WASHC5: variants seen among roughly 807,000 people sequenced by gnomAD.
WASHC5 encodes the protein WASH complex subunit 5.
WASHC5 carries 101 observed loss-of-function variants against 150.4 expected under a neutral mutation model. The ratio of observed to expected loss-of-function variants is 0.67; its 90% CI spans 0.57 to 0.79. The LOEUF (loss-of-function observed/expected upper bound fraction) is 0.79, where lower values mean the gene tolerates loss of function less well. Among genes scored for constraint, WASHC5 ranks in the 30% least tolerant of loss-of-function variants. The pLI, the probability that WASHC5 is intolerant of heterozygous loss-of-function variation, is 0.00. For missense variants in WASHC5, 1,195 were observed against 1,396.3 expected, an observed-to-expected ratio of 0.86 and a Z score of 2.30; for synonymous variants, 467 against 491.2, an observed-to-expected ratio of 0.95 and a Z score of 0.65.
chr8:125,038,705 G>T, intron 25 of WASHC5, 125 bp downstream of exon 25: 1 of 1,134,332 alleles, frequency 8.8e-7, no homozygotes, highest in Non-Finnish European at 1.3e-6. Context: ...GCAGGGAACT[G>T]AATGGAATGA....
chr8:125,078,190 G>A (rs6470332), intron 6 of WASHC5, among the ~76,000 whole-genome samples: 16,320 of 152,112 alleles, frequency 0.11, 2,080 homozygotes, highest in African/African-American at 0.3. Flanking sequence ...GGGGAGTGGG[G>A]CGATTTTCAA....
chr8:125,082,511 A>ACT, intron 3 of WASHC5, 44 bp from the exon 4 acceptor site: 1 of 1,086,160 alleles, frequency 9.2e-7, no homozygotes, highest in Non-Finnish European at 1.4e-6. Context: ...TATAATAGAA[A>ACT]CTTTAACATC....
intron 3 of WASHC5, 132 bp from the exon 4 acceptor site, chr8:125,082,599 T>C: frequency 1.5e-6 from 1 of 663,602 alleles, no homozygotes; most frequent in South Asian, 1.7e-5. Context: ...TGGTCCTTCA[T>C]GCTCTTAAGA....
intron 23 of WASHC5, among the ~76,000 whole-genome samples, chr8:125,041,393 A>T (rs757202420): frequency 4.8e-4 from 73 of 152,286 alleles, no homozygotes; most frequent in Non-Finnish European, 5.9e-4. Context: ...CAATCCCAGC[A>T]CTTTGGGAGG....
At chr8:125,085,841 A>C (rs535389890) in intron 1 of WASHC5, among the ~76,000 whole-genome samples, 1 of 152,318 alleles carries the variant, frequency 6.6e-6, no homozygotes, top group South Asian at 2.1e-4. Flanking sequence ...AAAGTTCTTG[A>C]AGTAGGTAAT....
At chr8:125,083,593 G>A (rs764595150) in intron 2 of WASHC5, 120 bp downstream of exon 2, 31 of 788,958 alleles carry the variant, frequency 3.9e-5, no homozygotes, top group South Asian at 1.6e-4. Context: ...AAGTTTAGTC[G>A]AAAAGCTCTT....
intron 18 of WASHC5, 114 bp from the exon 19 acceptor site, chr8:125,049,299 CTGT>C: frequency 2.7e-6 from 3 of 1,094,568 alleles, no homozygotes; most frequent in Non-Finnish European, 4.1e-6. Flanking sequence ...TGGCTCCCAC[CTGT>C]AACCCCAGCA....
rs373944573 is a variant in WASHC5, at chr8:125,078,756, A to G, written c.693T>C (p.Ser231=). ...FISMVIGRLR[S]DDIYNQVSAY... ...TTCCCACCTGGTTGTAAATATCATC[A>G]GATCTCAGTCGACCAATGACCATAC... Residue 231 remains serine (S), a synonymous_variant, in exon 6 of 29, where the codon TCT becomes TCC. Coordinates refer to ENST00000318410, the MANE Select transcript of WASHC5 (RefSeq NM_014846.4). 1.2e-6 allele frequency: 2 copies of G among 1,613,644 alleles called. No homozygotes were observed. The highest frequency in any genetic ancestry group is 1.7e-6 in the Non-Finnish European group (2 of 1,179,592).
chr8:125,079,185 CTT>C (rs34211379), intron 5 of WASHC5, among the ~76,000 whole-genome samples: 2,774 of 56,992 alleles, frequency 0.049, 7 homozygotes, highest in Middle Eastern at 0.1. Context: ...TATATATAAC[CTT>C]TTTTTTTTTT....
chr8:125,039,661 C>T (rs960960399), intron 24 of WASHC5, 134 bp downstream of exon 24: 12 of 693,618 alleles, frequency 1.7e-5, no homozygotes, highest in Admixed American at 6.3e-5. Flanking sequence ...TTTGATTATC[C>T]GTGGCAAGGA....
chr8:125,087,117 A>T (rs1433485486), intron 1 of WASHC5, among the ~76,000 whole-genome samples: 1 of 152,200 alleles, frequency 6.6e-6, no homozygotes, highest in Non-Finnish European at 1.5e-5. Flanking sequence ...TAGTGCTGAG[A>T]TTCAGTTTTG....
In WASHC5 at chr8:125,075,018, G is replaced by C. The variant is rs1817010885; in HGVS notation, c.958C>G (p.Leu320Val). 3 of 1,609,312 alleles carry C rather than the reference G, an allele frequency of 1.9e-6. No homozygotes were observed. In the East Asian group the frequency reaches 6.7e-5, roughly 36 times the overall value. ...CCTACCTGTTCTCTGACATTTGAAA[G>C]GTCCAGGGTATTATTTAAAGCAGTT... is the stretch of plus-strand genomic sequence containing the variant. ...AKTALNNTLD[L>V]SNVREQASRY... Residue 320 changes from leucine to valine, a missense_variant, in exon 8 of 29, where the codon CTT (leucine) becomes GTT (valine). Coordinates refer to ENST00000318410, the MANE Select transcript of WASHC5 (RefSeq NM_014846.4).
chr8:125,045,638 G>GT (rs1816044433), intron 20 of WASHC5, among the ~76,000 whole-genome samples: 1 of 152,164 alleles, frequency 6.6e-6, no homozygotes, highest in Admixed American at 6.5e-5. Flanking sequence ...AGAAGGAGGC[G>GT]TGAGAAGGGG....
chr8:125,060,018 G>C (rs1816545228), intron 12 of WASHC5, among the ~76,000 whole-genome samples: 1 of 152,142 alleles, frequency 6.6e-6, no homozygotes, highest in South Asian at 2.1e-4. Flanking sequence ...AGAAACTTTG[G>C]TAGAATTATT....
intron 5 of WASHC5, among the ~76,000 whole-genome samples, chr8:125,079,832 T>G (rs1817196151): frequency 6.6e-6 from 1 of 152,222 alleles, no homozygotes. Context: ...CCAAATGAAT[T>G]ACTATGTATA....
rs981037424 is a variant in WASHC5, at chr8:125,060,363, G to T, written c.1521+719C>A. Among the ~76,000 whole-genome samples, 3 of 152,004 alleles carry T rather than the reference G, an allele frequency of 2.0e-5. No homozygotes were observed. The South Asian group carries it at 6.2e-4, about 31-fold the overall frequency. On this transcript the variant is annotated intron_variant, in intron 12 of 28. Transcript: ENST00000318410. ...TAGCTGGGCATGGTGGCAGGCGCCT[G>T]TAGTCCCAGCTACCCAGGAGGCTGA... is the stretch of plus-strand genomic sequence containing the variant.
intron 23 of WASHC5, 23 bp from the exon 24 acceptor site, chr8:125,039,921 A>C (rs1586341586): frequency 2.0e-6 from 3 of 1,507,424 alleles, no homozygotes; most frequent in Non-Finnish European, 2.8e-6. Flanking sequence ...AAGAGAAAGA[A>C]CAGGTAGTGC....
Position 125,082,908 on chromosome 8 carries a change from A to G in WASHC5, c.332+205T>C, listed in dbSNP as rs11989475. 0.075 allele frequency: 35,695 copies of G among 474,258 alleles called. 4,294 individuals carry two copies. The highest frequency in any genetic ancestry group is 0.38 in the African/African-American group (18,994 of 50,556). 29.4% of individuals were successfully genotyped at this position (474,258 alleles called of 1,614,324 possible). ...GACTTAGTTAAACTAAGTTTATTAC[A>G]ACACCTCATAAGAGCAGGACATTAT... is the stretch of plus-strand genomic sequence containing the variant. On this transcript the variant is annotated intron_variant, in intron 3 of 28. Coordinates refer to ENST00000318410, the MANE Select transcript of WASHC5 (RefSeq NM_014846.4).
intron 11 of WASHC5, among the ~76,000 whole-genome samples, chr8:125,063,130 A>G (rs1240412536): frequency 6.6e-6 from 1 of 152,080 alleles, no homozygotes; most frequent in African/African-American, 2.4e-5. Flanking sequence ...TCTTGAGAAG[A>G]TCATGAGAAT....
Sources: gnomAD v4.1 joint callset for allele counts (sites outside exome capture counted in the v4.1 genomes callset) on GRCh38, gnomAD v4.1.1 for gene constraint, MANE v1.5 for transcripts, NCBI Gene and HGNC (gene_info 2026-07-23, HGNC 2026-07-21) for gene names.